DRG2: variants seen among roughly 807,000 people sequenced by gnomAD.
DRG2 encodes the protein developmentally-regulated GTP-binding protein 2.
Under a neutral mutation model 53.4 loss-of-function variants are expected in DRG2, and 36 were observed. The observed-to-expected ratio is 0.67, with a 90% CI of 0.52 to 0.89. The LOEUF is 0.89. DRG2 is among the 40% of genes least tolerant of loss of function. The pLI is 0.00. For missense variants in DRG2, 342 were observed against 481.2 expected (o/e 0.71, Z 2.71); for synonymous variants, 167 against 192.1 (o/e 0.87, Z 1.08).
chr17:18,090,497 A>T (rs191593327), intron 1 of DRG2, among the ~76,000 whole-genome samples: 56 of 132,152 alleles, frequency 4.2e-4, no homozygotes, highest in Non-Finnish European at 5.1e-4. Flanking sequence ...GCTCACCGCA[A>T]CCTCCGCCTC....
At chr17:18,104,555 C>T (rs182942343) in intron 10 of DRG2, 68 bp from the exon 11 acceptor site, 185 of 1,609,082 alleles carry the variant, frequency 1.1e-4, no homozygotes, top group African/African-American at 1.1e-3. Context: ...TCTTCCCTCG[C>T]GCAGAATCAC....
intron 10 of DRG2, 74 bp from the exon 11 acceptor site, chr17:18,104,549 C>G: frequency 1.2e-6 from 2 of 1,606,622 alleles, no homozygotes; most frequent in Non-Finnish European, 1.7e-6. Context: ...GCCAGCTCTT[C>G]CCTCGCGCAG....
chr17:18,093,939 G>T lies in DRG2; in HGVS notation c.191G>T (p.Arg64Leu). 6.2e-7 allele frequency: 1 copy of T among 1,614,198 alleles called. No homozygotes were observed. The highest frequency in any genetic ancestry group is 1.1e-5 in the South Asian group (1 of 91,076). Residue 64 changes from arginine to leucine, a missense_variant, in exon 2 of 13, where the codon CGT (arginine) becomes CTT (leucine). Arg to Leu is a moderately radical substitution (Grantham distance 102). Transcript: ENST00000225729. Reference protein sequence around the residue: ...GFDVMKSGDARVALIGFPSVG... With the variant: ...GFDVMKSGDALVALIGFPSVG... ...GATGTCATGAAGTCGGGTGATGCCC[G>T]TGTGGCGCTGATTGGATTTCCCTCT...
intron 2 of DRG2, among the ~76,000 whole-genome samples, chr17:18,095,097 C>T (rs964017484): frequency 1.3e-5 from 2 of 150,580 alleles, no homozygotes; most frequent in South Asian, 2.1e-4. Context: ...TCACTGCAAC[C>T]TCTGTCTCCT....
In DRG2 at chr17:18,093,988, G is replaced by T. The variant is rs1449213132; in HGVS notation, c.225+15G>T. 1.5e-5 allele frequency: 24 copies of T among 1,603,988 alleles called. No homozygotes were observed. Among genetic ancestry groups the T allele is most frequent in the Non-Finnish European group, 1.9e-5 (22 of 1,172,734 alleles). ...CTGTGGGTAAGGTCAGTGATGGTCA[G>T]TGTGGGCCTCGGGGAGGAAAGCAAG... On this transcript the variant is annotated intron_variant, in intron 2 of 12. Transcript: ENST00000225729.
chr17:18,097,679 C>A (rs1344684688), intron 2 of DRG2: 1 of 152,476 alleles, frequency 6.6e-6, no homozygotes, highest in Non-Finnish European at 1.5e-5. Context: ...CTGCCCAATC[C>A]CAGGACACCC....
At chr17:18,102,701 A>G (rs1286831128) in intron 9 of DRG2, among the ~76,000 whole-genome samples, 1 of 151,036 alleles carries the variant, frequency 6.6e-6, no homozygotes, top group Non-Finnish European at 1.5e-5. Context: ...GTGTGAGCCT[A>G]CCTCTCCTGG....
chr17:18,102,134 C>T, intron 9 of DRG2, 137 bp downstream of exon 9: 1 of 882,670 alleles, frequency 1.1e-6, no homozygotes. Context: ...GTCACGGAGC[C>T]CAGGACTTCC....
chr17:18,106,694 T>G (rs2045642603), intron 12 of DRG2, among the ~76,000 whole-genome samples: 1 of 146,212 alleles, frequency 6.8e-6, no homozygotes. Flanking sequence ...CTGGTTTTTT[T>G]TTTTTTTTTT....
rs557692956 is a variant in DRG2, at chr17:18,096,439, G to A, written c.226-1831G>A. The A allele has an allele frequency of 4.6e-5, 7 of 152,344 alleles. No homozygotes were observed. The South Asian group carries it at 1.0e-3, about 23-fold the overall frequency. The allele number at this position is 152,344 out of a possible 1,614,324, so 9.4% of individuals were successfully genotyped here. On this transcript the variant is annotated intron_variant, in intron 2 of 12. Coordinates refer to ENST00000225729, the MANE Select transcript of DRG2 (RefSeq NM_001388.5). ...GCTTTGGGGTCTAAACCCATACCAT[G>A]TTCTTTTGCTGCTCAAATCTTTTTA...
In DRG2 at chr17:18,099,543, G is replaced by A. The variant is rs2045491115; in HGVS notation, c.377-90G>A. 2 of 1,312,886 alleles carry A rather than the reference G, an allele frequency of 1.5e-6. No individual in the cohort carries two copies. The highest frequency in any genetic ancestry group is 2.9e-5 in the African/African-American group (2 of 68,524). The allele number at this position is 1,312,886 out of a possible 1,614,324, so 81.3% of individuals were successfully genotyped here. ...TAGTATGTGGCAGAGGCTGTGGTAG[G>A]TCTGTAAAGGACAGGAGTCCAGGGC... is the stretch of plus-strand genomic sequence containing the variant. On this transcript the variant is annotated intron_variant, in intron 4 of 12. Transcript: ENST00000225729. This position sits in a 1 kb window ranked among gnomAD's most constrained non-coding sequence, Gnocchi z 4.4.
chr17:18,097,106 G>C (rs2045447029), intron 2 of DRG2: 1 of 152,162 alleles, frequency 6.6e-6, no homozygotes, highest in African/African-American at 2.4e-5. Flanking sequence ...GGAGGGCCCA[G>C]GTCTTACAGG....
In DRG2 at chr17:18,093,900, A is replaced by G; in HGVS notation, c.152A>G (p.Lys51Arg). The G allele has an allele frequency of 6.2e-7, 1 of 1,614,198 alleles. No homozygotes were observed. Among genetic ancestry groups the G allele is most frequent in the Non-Finnish European group, 8.5e-7 (1 of 1,180,036 alleles). The change falls in exon 2 of 13, where the codon AAA becomes AGA. Residue 51 changes from lysine (K) to arginine (R), a missense_variant. Lys to Arg is a conservative substitution (Grantham distance 26). Coordinates refer to ENST00000225729, the MANE Select transcript of DRG2 (RefSeq NM_001388.5). The part of the protein sequence containing the change: ...LLEPSKSASS[K>R]GEGFDVMKSG... ...GAACCGTCCAAATCGGCCTCGTCCAAAGGAGAGGGCTTTGATGTCATGAAG... is the reference window on the plus strand; with the variant it reads ...GAACCGTCCAAATCGGCCTCGTCCAGAGGAGAGGGCTTTGATGTCATGAAG...
intron 12 of DRG2, 80 bp from the exon 13 acceptor site, chr17:18,107,074 A>G: frequency 7.5e-7 from 1 of 1,334,646 alleles, no homozygotes; most frequent in Non-Finnish European, 1.1e-6. Context: ...ACCCTTCAGG[A>G]CACACACGCC....
intron 2 of DRG2, among the ~76,000 whole-genome samples, chr17:18,094,662 T>C (rs1040947522): frequency 6.6e-6 from 1 of 152,064 alleles, no homozygotes; most frequent in Admixed American, 6.6e-5. Flanking sequence ...GATTGAAGAA[T>C]GAAACTGCAG....
rs1567600078 is a variant in DRG2, at chr17:18,093,865, C to T, written c.117C>T (p.Ala39=). Residue 39 remains alanine, a synonymous_variant, in exon 2 of 13, where the codon GCC becomes GCT. Transcript: ENST00000225729. ...LLKAKLAKYR[A]QLLEPSKSAS... ...AAGCTAAGCTCGCCAAGTATCGGGC[C>T]CAGCTCCTGGAACCGTCCAAATCGG... is the stretch of plus-strand genomic sequence containing the variant. 1.9e-6 allele frequency: 3 copies of T among 1,614,150 alleles called. No homozygotes were observed. The highest frequency in any genetic ancestry group is 2.5e-6 in the Non-Finnish European group (3 of 1,180,034).
chr17:18,104,875 A>G (rs1192089326), intron 11 of DRG2, among the ~76,000 whole-genome samples, 194 bp downstream of exon 11: 1 of 151,948 alleles, frequency 6.6e-6, no homozygotes, highest in Non-Finnish European at 1.5e-5. Context: ...CGAGGCTCTG[A>G]CCTCTACTGT....
chr17:18,090,405 TA>T (rs1469865579), intron 1 of DRG2, among the ~76,000 whole-genome samples: 69 of 24,528 alleles, frequency 2.8e-3, no homozygotes, highest in Non-Finnish European at 3.7e-3. Context: ...TATATATATA[TA>T]TTTTTTTTTT....
In DRG2 at chr17:18,093,983, G is replaced by A. The variant is rs2045383551; in HGVS notation, c.225+10G>A. 1.9e-6 allele frequency: 3 copies of A among 1,611,110 alleles called. No individual in the cohort carries two copies. The highest frequency in any genetic ancestry group is 2.5e-6 in the Non-Finnish European group (3 of 1,177,842). On this transcript the variant is annotated intron_variant, in intron 2 of 12. Transcript: ENST00000225729. ...TCCCTCTGTGGGTAAGGTCAGTGAT[G>A]GTCAGTGTGGGCCTCGGGGAGGAAA...
Sources: allele counts gnomAD v4.1 joint callset (sites outside exome capture counted in the v4.1 genomes callset), GRCh38; gene constraint gnomAD v4.1.1; non-coding constraint Gnocchi (gnomAD v3.1); transcripts MANE v1.5; gene names NCBI Gene and HGNC (gene_info 2026-07-23, HGNC 2026-07-21).